Variants in FAM135B observed in about 807,000 individuals in gnomAD.
The protein encoded by FAM135B is family with sequence similarity 135 member B.
Under a neutral mutation model 127.7 loss-of-function variants are expected in FAM135B, and 43 were observed. That is an observed-to-expected ratio of 0.34 (90% CI 0.26 to 0.43). The LOEUF (loss-of-function observed/expected upper bound fraction) is 0.43. Among genes scored for constraint, FAM135B ranks in the 20% least tolerant of loss-of-function variants. FAM135B has a pLI of 1.00. For missense variants in FAM135B, 1,558 were observed against 1,725.6 expected (o/e 0.90, Z 1.72); for synonymous variants, 670 against 665.1 (o/e 1.01, Z -0.11).
At position 138,197,543 on chromosome 8, in the gene FAM135B, T is replaced by C. The variant is rs1404691528; in HGVS notation, c.796A>G (p.Ile266Val). The C allele has an allele frequency of 1.2e-6, 2 of 1,614,130 alleles. No homozygotes were observed. The highest frequency in any genetic ancestry group is 1.7e-6 in the Non-Finnish European group (2 of 1,180,016). The part of the protein sequence containing the change: ...RLHFLVIMRD[I>V]PELPHTELEA... ...AGCTCCGTGTGTGGCAGCTCTGGGA[T>C]GTCCCGCATGATCACCAGGAAGTGG... Residue 266 changes from isoleucine to valine, a missense_variant, in exon 8 of 20, where the codon ATC becomes GTC. Transcript: ENST00000395297.
chr8:138,162,865 G>A (rs1386590048), intron 12 of FAM135B, among the ~76,000 whole-genome samples: 1 of 152,130 alleles, frequency 6.6e-6, no homozygotes. Flanking sequence ...TGAATGCCTT[G>A]TATAAATGAG....
intron 2 of FAM135B, among the ~76,000 whole-genome samples, chr8:138,315,296 T>C (rs1826998383): frequency 6.6e-6 from 1 of 152,146 alleles, no homozygotes; most frequent in South Asian, 2.1e-4. Flanking sequence ...AGGACAGTTA[T>C]CATGACAAAG....
At chr8:138,186,850 T>C (rs1028535188) in intron 9 of FAM135B, among the ~76,000 whole-genome samples, 2 of 152,212 alleles carry the variant, frequency 1.3e-5, no homozygotes, top group East Asian at 1.9e-4. Flanking sequence ...AGAACCATTG[T>C]GGGAAACAGA....
At chr8:138,321,141 C>T (rs114467857) in intron 2 of FAM135B, among the ~76,000 whole-genome samples, 1,972 of 152,166 alleles carry the variant, frequency 0.013, 34 homozygotes, top group African/African-American at 0.045. Flanking sequence ...TCCTCATGGG[C>T]GAGGAAAGCC....
At chr8:138,201,581 A>G (rs993883907) in intron 7 of FAM135B, among the ~76,000 whole-genome samples, 1 of 152,216 alleles carries the variant, frequency 6.6e-6, no homozygotes. Flanking sequence ...GCAGACCTGC[A>G]GAGTCGGTGT....
chr8:138,211,559 C>T (rs1563774974), intron 7 of FAM135B, among the ~76,000 whole-genome samples: 1 of 152,226 alleles, frequency 6.6e-6, no homozygotes, highest in Non-Finnish European at 1.5e-5. Flanking sequence ...AGTTGTTAAA[C>T]ATATGGCCAT....
intron 11 of FAM135B, among the ~76,000 whole-genome samples, chr8:138,177,055 G>C (rs542664025): frequency 1.3e-5 from 2 of 152,104 alleles, no homozygotes; most frequent in Non-Finnish European, 2.9e-5. Context: ...AATTCATTTC[G>C]CAGAGGACTC....
chr8:138,429,027 G>A (rs1469312846), intron 1 of FAM135B, among the ~76,000 whole-genome samples: 1 of 152,190 alleles, frequency 6.6e-6, no homozygotes, highest in Admixed American at 6.5e-5. Context: ...TGTAGTGGGG[G>A]AGAAGGGGAG....
chr8:138,288,627 G>A (rs1824876097), intron 3 of FAM135B, among the ~76,000 whole-genome samples: 1 of 152,300 alleles, frequency 6.6e-6, no homozygotes, highest in Non-Finnish European at 1.5e-5. Flanking sequence ...ACATGCCAGG[G>A]TGAGTTGATG....
chr8:138,260,756 A>G (rs1462859299), intron 4 of FAM135B, among the ~76,000 whole-genome samples: 1 of 152,128 alleles, frequency 6.6e-6, no homozygotes, highest in Non-Finnish European at 1.5e-5. Flanking sequence ...ACCATGCACT[A>G]TAGCAGCAAC....
chr8:138,342,361 C>T (rs2131065833), intron 2 of FAM135B, among the ~76,000 whole-genome samples: 1 of 152,290 alleles, frequency 6.6e-6, no homozygotes, highest in Non-Finnish European at 1.5e-5. Context: ...CTCCTCATCT[C>T]CCCAGCAGTC....
intron 6 of FAM135B, among the ~76,000 whole-genome samples, chr8:138,244,487 G>A (rs895001724): frequency 6.6e-6 from 1 of 152,104 alleles, no homozygotes; most frequent in Non-Finnish European, 1.5e-5. Context: ...GGTGGTTGTT[G>A]GGGTCCCATG....
intron 7 of FAM135B, among the ~76,000 whole-genome samples, chr8:138,210,627 G>T (rs1200706740): frequency 6.6e-6 from 1 of 152,114 alleles, no homozygotes; most frequent in African/African-American, 2.4e-5. Context: ...AATCTTGTGA[G>T]AACTCACTAT....
At chr8:138,162,955 A>G (rs999685107) in intron 12 of FAM135B, among the ~76,000 whole-genome samples, 7 of 152,244 alleles carry the variant, frequency 4.6e-5, no homozygotes, top group African/African-American at 1.7e-4. Context: ...GACAGTTAAG[A>G]CAGGAAACAG....
At chr8:138,433,462 G>T (rs1310596228) in intron 1 of FAM135B, among the ~76,000 whole-genome samples, 1 of 151,838 alleles carries the variant, frequency 6.6e-6, no homozygotes, top group East Asian at 1.9e-4. Context: ...AGCAGAGGTT[G>T]CAGTGAGCAG....
chr8:138,491,156 AAAAGAAAG>A (rs896604594), intron 1 of FAM135B, among the ~76,000 whole-genome samples: 5 of 147,084 alleles, frequency 3.4e-5, no homozygotes, highest in African/African-American at 1.3e-4. Context: ...AAAAAAAAAA[AAAAGAAAG>A]AAAGAAAGAA....
chr8:138,153,937 A>G (rs1818435922), intron 12 of FAM135B, among the ~76,000 whole-genome samples: 1 of 152,194 alleles, frequency 6.6e-6, no homozygotes, highest in Non-Finnish European at 1.5e-5. Flanking sequence ...TGAAGAGAGT[A>G]GTGGTTCTCC....
At chr8:138,217,399 T>C (rs181630039) in intron 7 of FAM135B, among the ~76,000 whole-genome samples, 13 of 152,096 alleles carry the variant, frequency 8.5e-5, no homozygotes, top group African/African-American at 2.4e-4. Flanking sequence ...TAGCCTTCCA[T>C]GTGAGGCTAT....
chr8:138,134,650 A>T (rs1318603250), intron 19 of FAM135B, among the ~76,000 whole-genome samples: 2 of 152,168 alleles, frequency 1.3e-5, no homozygotes, highest in Non-Finnish European at 2.9e-5. Flanking sequence ...ATTTTATTTC[A>T]GAATTTTTGA....
Sources: allele counts gnomAD v4.1 joint callset (sites outside exome capture counted in the v4.1 genomes callset), GRCh38; gene constraint gnomAD v4.1.1; transcripts MANE v1.5; gene names NCBI Gene and HGNC (gene_info 2026-07-23, HGNC 2026-07-21).